The following ITGA8 variants were observed in gnomAD, a reference collection of about 807,000 sequenced individuals.
The protein encoded by ITGA8 is integrin subunit alpha 8.
Under a neutral mutation model 142.3 loss-of-function variants are expected in ITGA8, and 91 were observed. That is an observed-to-expected ratio of 0.64 (90% CI 0.54 to 0.76). The LOEUF is 0.76. Among genes scored for constraint, ITGA8 ranks in the 30% least tolerant of loss-of-function variants. The pLI, the probability that ITGA8 is intolerant of heterozygous loss-of-function variation, is 0.00. For missense variants in ITGA8, 1,406 were observed against 1,327.7 expected (o/e 1.06, Z -0.92); for synonymous variants, 505 against 485.2 (o/e 1.04, Z -0.54).
At position 15,657,510 on chromosome 10, in the gene ITGA8, A is replaced by ATT. The variant is rs34510305; in HGVS notation, c.948+1487_948+1488dup. 7.4e-3 allele frequency among the ~76,000 whole-genome samples: 976 copies of ATT among 132,500 alleles called. 16 individuals carry two copies. The highest frequency in any genetic ancestry group is 0.02 in the Middle Eastern group (5 of 246). The allele number at this position is 132,500 out of a possible 152,430, so 86.9% of individuals were successfully genotyped here. ...TGCTGGTTTCTTTTTCTTTTCTTTC[A>ATT]TTTTTTTTTTTTTTTTTTTTTAACA... On this transcript the variant is annotated intron_variant, in intron 10 of 29. Coordinates refer to ENST00000378076, the MANE Select transcript of ITGA8 (RefSeq NM_003638.3).
intron 9 of ITGA8, among the ~76,000 whole-genome samples, chr10:15,659,398 A>G (rs921819879): frequency 2.4e-4 from 37 of 152,226 alleles, no homozygotes; most frequent in African/African-American, 8.7e-4. Context: ...TTCTTATTCT[A>G]TGATAAATTG....
intron 6 of ITGA8, among the ~76,000 whole-genome samples, chr10:15,675,588 C>T (rs1356594185): frequency 2.6e-5 from 4 of 152,204 alleles, no homozygotes; most frequent in Non-Finnish European, 5.9e-5. Context: ...CTTGTAACTA[C>T]TTTGCTGATA....
At chr10:15,698,452 G>A (rs1235908839) in intron 2 of ITGA8, among the ~76,000 whole-genome samples, 1 of 152,112 alleles carries the variant, frequency 6.6e-6, no homozygotes, top group Non-Finnish European at 1.5e-5. Flanking sequence ...GGATCAAATG[G>A]TAGATCTTCT....
At chr10:15,624,997 T>C (rs1833555465) in intron 13 of ITGA8, among the ~76,000 whole-genome samples, 1 of 152,016 alleles carries the variant, frequency 6.6e-6, no homozygotes, top group Admixed American at 6.6e-5. Context: ...AATCTAAAAA[T>C]AGAAGTTGCC....
intron 22 of ITGA8, among the ~76,000 whole-genome samples, chr10:15,586,945 A>G (rs925177103): frequency 5.3e-5 from 8 of 150,280 alleles, no homozygotes; most frequent in African/African-American, 2.0e-4. Flanking sequence ...TTTTTTTGAG[A>G]CGGAGTCTCC....
intron 20 of ITGA8, among the ~76,000 whole-genome samples, chr10:15,598,695 A>G (rs553745596): frequency 1.8e-4 from 28 of 152,326 alleles, no homozygotes; most frequent in African/African-American, 6.0e-4. Flanking sequence ...CAAGTATGCA[A>G]CCAAGTATAA....
Position 15,558,156 on chromosome 10 carries a change from C to T in ITGA8, c.2684G>A (p.Arg895Gln), listed in dbSNP as rs368464139. ...GACAAGATGAGGAATAGTAGAGTTTCGCAAAAAGGCGCTGAGCTCAGGGGT... is the reference window on the plus strand; with the variant it reads ...GACAAGATGAGGAATAGTAGAGTTTTGCAAAAAGGCGCTGAGCTCAGGGGT... The part of the protein sequence containing the change: ...EDTPELSAFL[R>Q]NSTIPHLVRK... Residue 895 changes from arginine to glutamine, a missense_variant, in exon 26 of 30, where the codon CGA (arginine) becomes CAA (glutamine). By Grantham distance (43) the Arg-to-Gln change is conservative. Coordinates refer to ENST00000378076, the MANE Select transcript of ITGA8 (RefSeq NM_003638.3). 204 of 1,614,054 alleles carry T rather than the reference C, an allele frequency of 1.3e-4. No individual in the cohort carries two copies. The highest frequency in any genetic ancestry group is 1.7e-4 in the Non-Finnish European group (196 of 1,180,042).
At chr10:15,584,605 G>A (rs887199722) in intron 23 of ITGA8, among the ~76,000 whole-genome samples, 14 of 152,136 alleles carry the variant, frequency 9.2e-5, no homozygotes, top group African/African-American at 3.1e-4. Flanking sequence ...GTTAAATAGA[G>A]CATACTCTCT....
intron 12 of ITGA8, among the ~76,000 whole-genome samples, chr10:15,645,948 G>A (rs1203446958): frequency 6.6e-6 from 1 of 152,200 alleles, no homozygotes; most frequent in Non-Finnish European, 1.5e-5. Context: ...AAACTAAGGT[G>A]AAGCCTACGT....
chr10:15,617,209 C>A (rs922875022), intron 13 of ITGA8, among the ~76,000 whole-genome samples: 1 of 152,080 alleles, frequency 6.6e-6, no homozygotes, highest in African/African-American at 2.4e-5. Context: ...GGTAGGAGGT[C>A]TTTATTATTA....
At chr10:15,670,102 A>G (rs1243745405) in intron 8 of ITGA8, among the ~76,000 whole-genome samples, 1 of 152,176 alleles carries the variant, frequency 6.6e-6, no homozygotes. Context: ...TGTAGACCAG[A>G]GCTGTTCCTA....
intron 23 of ITGA8, among the ~76,000 whole-genome samples, chr10:15,584,775 G>T (rs772301102): frequency 6.6e-6 from 1 of 152,110 alleles, no homozygotes; most frequent in South Asian, 2.1e-4. Context: ...TATTTTGGCC[G>T]AGCATGGTGG....
At chr10:15,549,504 C>G (rs994053434) in intron 26 of ITGA8, among the ~76,000 whole-genome samples, 4 of 152,170 alleles carry the variant, frequency 2.6e-5, no homozygotes, top group African/African-American at 7.2e-5. Context: ...AACCACCATG[C>G]CTGGCCTCAA....
In ITGA8 at chr10:15,582,107, C is replaced by T. The variant is rs144502353; in HGVS notation, c.2372+4477G>A. Among the ~76,000 whole-genome samples the T allele has an allele frequency of 3.3e-3, 503 of 152,174 alleles. 3 individuals carry two copies. The highest frequency in any genetic ancestry group is 0.012 in the African/African-American group (480 of 41,528). Reference sequence around the variant, plus strand: ...TTTAAACATTAACTCAGCATGGTGGCGCATGCCAGTAGTCCCAGCTACTTG... The same window carrying T: ...TTTAAACATTAACTCAGCATGGTGGTGCATGCCAGTAGTCCCAGCTACTTG... On this transcript the variant is annotated intron_variant, in intron 23 of 29. Coordinates refer to ENST00000378076, the MANE Select transcript of ITGA8 (RefSeq NM_003638.3).
Position 15,659,017 on chromosome 10 carries a change from C to G in ITGA8, c.930G>C (p.Gln310His). ...TCTCTACCTGTTCTCCCGTGAAATT[C>G]TGAATAAACGTCATATCCGTAGAGT... is the stretch of plus-strand genomic sequence containing the variant. ...IINSTDMTFI[Q>H]NFTGEQMASY... The change falls in exon 10 of 30, where the codon CAG becomes CAC. Residue 310 changes from glutamine to histidine, a missense_variant. Physicochemically the swap from Gln to His is conservative, Grantham distance 24. Transcript: ENST00000378076. 1.9e-6 allele frequency: 3 copies of G among 1,605,992 alleles called. No individual in the cohort carries two copies. The highest frequency in any genetic ancestry group is 2.6e-6 in the Non-Finnish European group (3 of 1,174,274).
At chr10:15,561,209 CTATATA>C (rs529527480) in intron 25 of ITGA8, among the ~76,000 whole-genome samples, 25 of 116,962 alleles carry the variant, frequency 2.1e-4, no homozygotes, top group Admixed American at 1.1e-3. Context: ...TATCTGTTGG[CTATATA>C]TATATATATA....
chr10:15,528,866 A>G (rs1334788899), intron 28 of ITGA8, among the ~76,000 whole-genome samples: 1 of 152,210 alleles, frequency 6.6e-6, no homozygotes, highest in Non-Finnish European at 1.5e-5. Context: ...CTAAATGAAG[A>G]AAGATGTGGC....
At chr10:15,580,311 T>A (rs1336208917) in intron 23 of ITGA8, among the ~76,000 whole-genome samples, 2 of 151,990 alleles carry the variant, frequency 1.3e-5, no homozygotes, top group Non-Finnish European at 2.9e-5. Flanking sequence ...AATGAGAAAC[T>A]ACCAAAGCCC....
chr10:15,714,634 C>A (rs545352779), intron 2 of ITGA8, among the ~76,000 whole-genome samples: 1 of 151,886 alleles, frequency 6.6e-6, no homozygotes, highest in South Asian at 2.1e-4. Context: ...TTGTATTCAT[C>A]ATGAGAAATG....
Sources: allele counts gnomAD v4.1 joint callset (sites outside exome capture counted in the v4.1 genomes callset), GRCh38; gene constraint gnomAD v4.1.1; transcripts MANE v1.5; gene names NCBI Gene and HGNC (gene_info 2026-07-23, HGNC 2026-07-21).